ABTB2: variants seen among roughly 807,000 people sequenced by gnomAD.
ABTB2 encodes ankyrin repeat and BTB domain containing 2.
A neutral mutation model predicts 104.1 loss-of-function variants in ABTB2; 56 were observed. The ratio of observed to expected loss-of-function variants is 0.54; its 90% CI spans 0.43 to 0.67. ABTB2 has a LOEUF of 0.67. Among genes scored for constraint, ABTB2 ranks in the 30% least tolerant of loss-of-function variants. ABTB2 has a pLI of 0.00. For synonymous variants in ABTB2, 606 were observed against 608.2 expected (o/e 1.00, Z 0.05); for missense variants, 1,279 against 1,407.7 (o/e 0.91, Z 1.46).
rs12786109 is a variant in ABTB2, at chr11:34,356,125, A to G, written c.883+576T>C. The stretch of plus-strand genomic sequence containing the variant: ...CACATATAGGTAAGAGCGAACCACT[A>G]CCCCTCCATCCCCCAAGAGAGCGCC... On this transcript the variant is annotated intron_variant, in intron 1 of 16. Transcript: ENST00000435224. The surrounding 1 kb of genome is among the most constrained non-coding windows in gnomAD (Gnocchi z 4.6). Among the ~76,000 whole-genome samples, 1 of 151,710 alleles carries G rather than the reference A, an allele frequency of 6.6e-6. No homozygotes were observed. Among genetic ancestry groups the G allele is most frequent in the Non-Finnish European group, 1.5e-5 (1 of 67,942 alleles).
At chr11:34,223,889 C>T (rs1194324070) in intron 1 of ABTB2, among the ~76,000 whole-genome samples, 1 of 152,190 alleles carries the variant, frequency 6.6e-6, no homozygotes, top group Non-Finnish European at 1.5e-5. Flanking sequence ...TGTGTCTACA[C>T]CCTGTAAACC....
Position 34,173,234 on chromosome 11 carries a change from G to C in ABTB2, c.1318C>G (p.Leu440Val). 6.2e-7 allele frequency: 1 copy of C among 1,613,056 alleles called. No homozygotes were observed. Residue 440 changes from leucine (L) to valine (V), a missense_variant, in exon 4 of 17, where the codon CTC (leucine) becomes GTC (valine). Physicochemically the swap from Leu to Val is conservative, Grantham distance 32 (BLOSUM62 1). Coordinates refer to ENST00000435224, the MANE Select transcript of ABTB2 (RefSeq NM_145804.3). ...AITYAEHRRS[L>V]TVDSGDIRQA... is the part of the protein sequence containing the mutation. ...CGGATGTCGCCGCTGTCCACGGTGA[G>C]GCTGCGGCGGTGCTCTGCGTAGGTG...
At chr11:34,244,984 G>T (rs1330258908) in intron 1 of ABTB2, among the ~76,000 whole-genome samples, 3 of 152,148 alleles carry the variant, frequency 2.0e-5, no homozygotes, top group African/African-American at 7.2e-5. Flanking sequence ...CTCCAGTCTG[G>T]ATGACAGAGT....
At chr11:34,208,332 A>G (rs535498921) in intron 1 of ABTB2, among the ~76,000 whole-genome samples, 1 of 152,296 alleles carries the variant, frequency 6.6e-6, no homozygotes, top group Non-Finnish European at 1.5e-5. Flanking sequence ...CATGATGGAG[A>G]AGAAAGCATG....
chr11:34,355,762 T>C (rs1170790087), intron 1 of ABTB2, among the ~76,000 whole-genome samples: 2 of 152,198 alleles, frequency 1.3e-5, no homozygotes, highest in South Asian at 2.1e-4. Flanking sequence ...TGAAGTCTTG[T>C]AGGTAGTTTG....
intron 1 of ABTB2, among the ~76,000 whole-genome samples, chr11:34,303,636 C>CTTTT (rs35677380): frequency 4.6e-4 from 36 of 79,090 alleles, no homozygotes; most frequent in Middle Eastern, 8.8e-3. Flanking sequence ...ACTATGGGTG[C>CTTTT]TTTTTTTTTT....
intron 1 of ABTB2, among the ~76,000 whole-genome samples, chr11:34,313,461 C>A (rs1475094246): frequency 6.6e-6 from 1 of 152,278 alleles, no homozygotes; most frequent in South Asian, 2.1e-4. Context: ...CACCATCAGG[C>A]CCCCCAGAGA....
At chr11:34,212,684 A>G (rs1853495935) in intron 1 of ABTB2, among the ~76,000 whole-genome samples, 1 of 152,204 alleles carries the variant, frequency 6.6e-6, no homozygotes, top group Admixed American at 6.5e-5. Flanking sequence ...CTCTTCCTTC[A>G]GCACTCACCA....
chr11:34,202,773 A>G (rs1233967123), intron 2 of ABTB2, among the ~76,000 whole-genome samples: 2 of 152,136 alleles, frequency 1.3e-5, no homozygotes, highest in Non-Finnish European at 2.9e-5. Flanking sequence ...CTGGAGGCGG[A>G]GGTTGCAGTG....
At chr11:34,346,644 C>T (rs1855335790) in intron 1 of ABTB2, among the ~76,000 whole-genome samples, 1 of 152,130 alleles carries the variant, frequency 6.6e-6, no homozygotes, top group Non-Finnish European at 1.5e-5. Flanking sequence ...GCACAGTGTC[C>T]ATGTGGGGTC....
rs575015868 is a variant in ABTB2, at chr11:34,210,987, T to G, written c.884-6297A>C. On this transcript the variant is annotated intron_variant, in intron 1 of 16. Transcript: ENST00000435224. ...TGTTTCCATTCTCTGATCTGGAATT[T>G]TATATATAGTACATTTAATGCCCAG... 3.9e-5 allele frequency among the ~76,000 whole-genome samples: 6 copies of G among 152,346 alleles called. No homozygotes were observed. The East Asian group carries it at 1.2e-3, about 29-fold the overall frequency.
At chr11:34,330,926 C>T (rs777837473) in intron 1 of ABTB2, among the ~76,000 whole-genome samples, 1 of 152,226 alleles carries the variant, frequency 6.6e-6, no homozygotes. Flanking sequence ...TCCTGATTCT[C>T]CAACTTCTTT....
At chr11:34,235,337 G>GT (rs1332446040) in intron 1 of ABTB2, among the ~76,000 whole-genome samples, 1 of 152,136 alleles carries the variant, frequency 6.6e-6, no homozygotes, top group Non-Finnish European at 1.5e-5. Flanking sequence ...ATGACCCGGG[G>GT]TAAGTACTTA....
chr11:34,178,583 T>C (rs901947911), intron 3 of ABTB2, among the ~76,000 whole-genome samples: 10 of 152,246 alleles, frequency 6.6e-5, no homozygotes, highest in Non-Finnish European at 1.5e-5. Context: ...TCCCCGCTTG[T>C]TGCGTTTCCC....
chr11:34,312,729 C>T (rs1854872629), intron 1 of ABTB2, among the ~76,000 whole-genome samples: 1 of 152,136 alleles, frequency 6.6e-6, no homozygotes, highest in African/African-American at 2.4e-5. Context: ...GAGACAGGGT[C>T]CCACTCTGTC....
At chr11:34,195,879 A>C (rs1263624469) in intron 3 of ABTB2, among the ~76,000 whole-genome samples, 1 of 152,102 alleles carries the variant, frequency 6.6e-6, no homozygotes, top group Non-Finnish European at 1.5e-5. Flanking sequence ...AGCTGATGAG[A>C]CTCAATGCCC....
Position 34,154,637 on chromosome 11 carries a change from T to A in ABTB2, c.2766+64A>T. On this transcript the variant is annotated intron_variant, in intron 15 of 16. Transcript: ENST00000435224. The surrounding 1 kb of genome is among the most constrained non-coding windows in gnomAD (Gnocchi z 4.9). ...AGAGCCACCTTCCCTCTGAAGGGGG[T>A]GAATGGGAGACCGAGCCGCTGGGCA... 3 of 1,529,488 alleles carry A rather than the reference T, an allele frequency of 2.0e-6. No individual in the cohort carries two copies. Among genetic ancestry groups the A allele is most frequent in the Non-Finnish European group, 2.7e-6 (3 of 1,106,770 alleles). 94.7% of individuals were successfully genotyped at this position (1,529,488 alleles called of 1,614,324 possible).
At chr11:34,201,987 A>G (rs549130491) in intron 2 of ABTB2, among the ~76,000 whole-genome samples, 3 of 152,228 alleles carry the variant, frequency 2.0e-5, no homozygotes, top group African/African-American at 4.8e-5. Context: ...ACACGTGTGC[A>G]CGCTGCACCT....
At chr11:34,241,503 ATC>A (rs930259573) in intron 1 of ABTB2, among the ~76,000 whole-genome samples, 1 of 152,174 alleles carries the variant, frequency 6.6e-6, no homozygotes, top group Non-Finnish European at 1.5e-5. Context: ...TCCACAGGGT[ATC>A]TCTCCCAAGA....
Sources: gnomAD v4.1 joint callset for allele counts (sites outside exome capture counted in the v4.1 genomes callset) on GRCh38, gnomAD v4.1.1 for gene constraint, Gnocchi (gnomAD v3.1) non-coding constraint, MANE v1.5 for transcripts, NCBI Gene and HGNC (gene_info 2026-07-23, HGNC 2026-07-21) for gene names.